The following SAMD5 variants were observed in gnomAD, a reference collection of about 807,000 sequenced individuals.
SAMD5 encodes sterile alpha motif domain-containing protein 5.
Under a neutral mutation model 11.3 loss-of-function variants are expected in SAMD5, and 13 were observed. The ratio of observed to expected loss-of-function variants is 1.15; its 90% CI spans 0.75 to 1.83. The LOEUF is 1.83. SAMD5 is among the 40% of genes most tolerant of loss of function. The pLI, the probability that SAMD5 is intolerant of heterozygous loss-of-function variation, is 0.00. For missense variants in SAMD5, 255 were observed against 239.1 expected (o/e 1.07, Z -0.44); for synonymous variants, 129 against 111.3 (o/e 1.16, Z -1.00).
chr6:147,680,120 G>A (rs1474908871), intron 1 of SAMD5, among the ~76,000 whole-genome samples: 6 of 151,690 alleles, frequency 4.0e-5, no homozygotes, highest in Non-Finnish European at 7.4e-5. Context: ...TAAGATTGCA[G>A]ATAACTTATA....
chr6:147,684,935 T>C (rs962544942), intron 1 of SAMD5, among the ~76,000 whole-genome samples: 2 of 152,216 alleles, frequency 1.3e-5, no homozygotes, highest in East Asian at 3.8e-4. Flanking sequence ...AAACTAAATC[T>C]TATTTAGTTC....
the SAMD5 span, among the ~76,000 whole-genome samples, chr6:147,840,078 C>A: frequency 6.6e-6 from 1 of 152,310 alleles, no homozygotes; most frequent in East Asian, 1.9e-4. Flanking sequence ...TCATGATGAG[C>A]TTTAGCATTC....
the SAMD5 span, among the ~76,000 whole-genome samples, chr6:147,812,456 CTGA>C: frequency 4.6e-5 from 7 of 151,886 alleles, no homozygotes; most frequent in Non-Finnish European, 7.4e-5. Context: ...TGTTTCAGCC[CTGA>C]TTAATTGTTG....
rs1488276196 is a variant in SAMD5 at position 147,567,936 on chromosome 6, A to G, written c.*3480A>G. 1.0e-6 allele frequency: 1 copy of G among 985,992 alleles called. No homozygotes were observed. Among genetic ancestry groups the G allele is most frequent in the Non-Finnish European group, 1.2e-6 (1 of 830,506 alleles). 61.1% of individuals were successfully genotyped at this position (985,992 alleles called of 1,614,324 possible). On this transcript the variant is annotated 3_prime_UTR_variant, in exon 2 of 2. Coordinates refer to ENST00000367474, the MANE Select transcript of SAMD5 (RefSeq NM_001030060.3). ...ATCCCGTCTCAAAACAAAACAAAAC[A>G]AAACAAAACAGCAAATTCATAAAGG...
At chr6:147,857,314 G>A in the SAMD5 span, among the ~76,000 whole-genome samples, 2 of 149,968 alleles carry the variant, frequency 1.3e-5, no homozygotes, top group East Asian at 1.9e-4. Flanking sequence ...ACCAGCCTGA[G>A]CAACAAAGTG....
chr6:147,626,880 C>A (rs1420979602), intron 1 of SAMD5, among the ~76,000 whole-genome samples: 1 of 149,306 alleles, frequency 6.7e-6, no homozygotes, highest in African/African-American at 2.5e-5. Context: ...ACATAAATAG[C>A]ACTCAAAAAT....
chr6:147,834,076 C>A, the SAMD5 span, among the ~76,000 whole-genome samples: 2 of 152,208 alleles, frequency 1.3e-5, no homozygotes, highest in Non-Finnish European at 2.9e-5. Context: ...CTTGTATTAT[C>A]AGCAGCATAG....
the SAMD5 span, among the ~76,000 whole-genome samples, chr6:147,744,087 T>C: frequency 6.6e-6 from 1 of 152,224 alleles, no homozygotes; most frequent in African/African-American, 2.4e-5. Context: ...CCAAGTCCAG[T>C]GCCTTTTCAG....
chr6:147,519,770 C>T (rs1788223317), intron 1 of SAMD5, among the ~76,000 whole-genome samples: 1 of 152,124 alleles, frequency 6.6e-6, no homozygotes, highest in Non-Finnish European at 1.5e-5. Flanking sequence ...TATTAAAGGA[C>T]ACGTAAGATG....
chr6:147,573,598 A>G (rs1172013914), downstream of SAMD5, among the ~76,000 whole-genome samples: 1 of 152,164 alleles, frequency 6.6e-6, no homozygotes, highest in Non-Finnish European at 1.5e-5. Context: ...AAGTTACTAA[A>G]TCCTTTCCAG....
chr6:147,674,448 C>A (rs1290990851), intron 1 of SAMD5, among the ~76,000 whole-genome samples: 1 of 152,172 alleles, frequency 6.6e-6, no homozygotes, highest in Non-Finnish European at 1.5e-5. Flanking sequence ...ACACCCCTTG[C>A]ACGCACCCAA....
At chr6:147,614,906 A>T (rs1292361769) in intron 1 of SAMD5, among the ~76,000 whole-genome samples, 1 of 151,988 alleles carries the variant, frequency 6.6e-6, no homozygotes, top group African/African-American at 2.4e-5. Flanking sequence ...TTTGGGAAAA[A>T]AATGTATCTA....
chr6:147,586,890 A>T (rs1294689946), intron 1 of SAMD5, among the ~76,000 whole-genome samples: 2 of 152,116 alleles, frequency 1.3e-5, no homozygotes, highest in African/African-American at 4.8e-5. Context: ...GAATTATGAG[A>T]ACTAATAAAC....
the SAMD5 span, among the ~76,000 whole-genome samples, chr6:147,855,337 ATAAAATT>A: frequency 6.6e-6 from 1 of 152,190 alleles, no homozygotes; most frequent in East Asian, 1.9e-4. Context: ...CTTACAGAAG[ATAAAATT>A]TAAAATGAGA....
the SAMD5 span, among the ~76,000 whole-genome samples, chr6:147,782,833 A>G: frequency 2.6e-5 from 4 of 152,252 alleles, no homozygotes; most frequent in Admixed American, 6.5e-5. Context: ...GTGAGCTAGC[A>G]TTAAACAAAT....
At chr6:147,634,298 C>T (rs1303566635) in intron 1 of SAMD5, among the ~76,000 whole-genome samples, 2 of 152,034 alleles carry the variant, frequency 1.3e-5, no homozygotes, top group Non-Finnish European at 2.9e-5. Context: ...GGAAGGAAGC[C>T]CCTCTTAGAT....
At chr6:147,679,446 C>T (rs1790910641) in intron 1 of SAMD5, among the ~76,000 whole-genome samples, 1 of 152,000 alleles carries the variant, frequency 6.6e-6, no homozygotes, top group Non-Finnish European at 1.5e-5. Flanking sequence ...TGTATATATT[C>T]TTTGGTGAGG....
At chr6:147,630,008 G>A (rs1390869994) in intron 1 of SAMD5, among the ~76,000 whole-genome samples, 1 of 146,670 alleles carries the variant, frequency 6.8e-6, no homozygotes, top group African/African-American at 2.6e-5. Context: ...GTGGTGCAAT[G>A]GCATGACCTC....
rs567214900 is a variant in SAMD5 at position 147,575,403 on chromosome 6, T to A, written c.162+66016T>A. Among the ~76,000 whole-genome samples the A allele has an allele frequency of 3.3e-5, 5 of 152,388 alleles. No homozygotes were observed. In the South Asian group the frequency reaches 1.0e-3, roughly 32 times the overall value. On this transcript the variant is annotated intron_variant, in intron 1 of 1. Coordinates refer to the SAMD5 transcript ENST00000566741. The stretch of plus-strand genomic sequence containing the variant: ...TTTTCTCAAATGGCCATTAAATGGT[T>A]TCTTGGCTCAAATGTGGGTTGCAGC...
Sources: gnomAD v4.1 joint callset for allele counts (sites outside exome capture counted in the v4.1 genomes callset) on GRCh38, gnomAD v4.1.1 for gene constraint, MANE v1.5 for transcripts, NCBI Gene and HGNC (gene_info 2026-07-23, HGNC 2026-07-21) for gene names.